FBN1: variants seen among roughly 807,000 people sequenced by gnomAD.
FBN1 encodes the protein fibrillin 1, also known as fibrillin-1.
Under a neutral mutation model 365.1 loss-of-function variants are expected in FBN1, and 29 were observed. The observed-to-expected ratio is 0.08, with a 90% confidence interval of 0.06 to 0.11. The LOEUF is 0.11. Among genes scored for constraint, FBN1 ranks in the 10% least tolerant of loss-of-function variants. The pLI is 1.00. For missense variants in FBN1, 2,476 were observed against 3,703.2 expected (o/e 0.67, Z 8.60); for synonymous variants, 1,210 against 1,270.5 (o/e 0.95, Z 1.01).
At chr15:48,463,384 T>C (rs569756421) in intron 41 of FBN1, 144 bp from the exon 42 acceptor site, 14 of 820,278 alleles carry the variant, frequency 1.7e-5, no homozygotes, top group South Asian at 1.7e-4. Context: ...AAAAACTTGC[T>C]CTTACACAAC....
intron 5 of FBN1, among the ~76,000 whole-genome samples, chr15:48,598,029 C>T (rs991556040): frequency 6.6e-6 from 1 of 152,226 alleles, no homozygotes; most frequent in African/African-American, 2.4e-5. Context: ...GCCATCTCCA[C>T]AGCCATAGCC....
At chr15:48,505,615 C>T (rs1372086375) in intron 15 of FBN1, among the ~76,000 whole-genome samples, 7 of 152,086 alleles carry the variant, frequency 4.6e-5, no homozygotes, top group African/African-American at 1.2e-4. Context: ...TGGGAAAATT[C>T]GCCTAAAATT....
Position 48,497,091 on chromosome 15 carries a change from A to T in FBN1, c.2293+175T>A, listed in dbSNP as rs576963797. Among the ~76,000 whole-genome samples, 27 of 152,338 alleles carry T rather than the reference A, an allele frequency of 1.8e-4. No homozygotes were observed. In the South Asian group the frequency reaches 5.6e-3, roughly 32 times the overall value. ...ACATCGTTATTCATAAACTGTGAAG[A>T]TTCAGTGATGTAAATTTTTGTTACT... On this transcript the variant is annotated intron_variant, in intron 19 of 65. Coordinates refer to ENST00000316623, the MANE Select transcript of FBN1 (RefSeq NM_000138.5).
chr15:48,500,779 G>C (rs1376946767), intron 17 of FBN1, among the ~76,000 whole-genome samples: 2 of 152,114 alleles, frequency 1.3e-5, no homozygotes, highest in African/African-American at 4.8e-5. Context: ...AGAAGGCTGA[G>C]GACACAAGAG....
Position 48,467,930 on chromosome 15 carries a change from C to G in FBN1, c.4747+8G>C, listed in dbSNP as rs368739764. 1.2e-6 allele frequency: 2 copies of G among 1,611,390 alleles called. No homozygotes were observed. The highest frequency in any genetic ancestry group is 3.3e-5 in the Admixed American group (2 of 60,012). On this transcript the variant is annotated splice_region_variant and intron_variant, in intron 38 of 65. Coordinates refer to ENST00000316623, the MANE Select transcript of FBN1 (RefSeq NM_000138.5). ...GAAATAATAATAAATAGGAGGATGT[C>G]CACTTACATGTGTTCACAGCAGGAC...
intron 8 of FBN1, among the ~76,000 whole-genome samples, chr15:48,526,487 C>G (rs569658149): frequency 6.6e-6 from 1 of 152,248 alleles, no homozygotes; most frequent in South Asian, 2.1e-4. Context: ...AATGAAATCA[C>G]CCCCCTTTAA....
At chr15:48,557,974 T>C (rs1375369802) in intron 6 of FBN1, among the ~76,000 whole-genome samples, 1 of 152,202 alleles carries the variant, frequency 6.6e-6, no homozygotes, top group Non-Finnish European at 1.5e-5. Flanking sequence ...AGTTAAAAGT[T>C]AGAGTGGTTC....
chr15:48,463,790 A>C (rs1368716509), intron 41 of FBN1, 109 bp downstream of exon 41: 1 of 1,225,094 alleles, frequency 8.2e-7, no homozygotes, highest in Non-Finnish European at 1.2e-6. Context: ...AAGGGATGCC[A>C]GCACTCAGTC....
In FBN1 at chr15:48,410,148, G is replaced by T. The variant is rs959375379; in HGVS notation, c.*842C>A. Reference sequence around the variant, plus strand: ...CCCCTTGTTGACAGGAATGACCGAGGGTAATCTTGGCATATTGCACATGCT... The same window carrying T: ...CCCCTTGTTGACAGGAATGACCGAGTGTAATCTTGGCATATTGCACATGCT... On this transcript the variant is annotated 3_prime_UTR_variant, in exon 66 of 66. Coordinates refer to ENST00000316623, the MANE Select transcript of FBN1 (RefSeq NM_000138.5). 6.6e-6 allele frequency: 1 copy of T among 152,572 alleles called. No homozygotes were observed. The highest frequency in any genetic ancestry group is 2.4e-5 in the African/African-American group (1 of 41,418). 9.5% of individuals were successfully genotyped at this position (152,572 alleles called of 1,614,324 possible). A position where few individuals can be genotyped will look rare whatever the true frequency, so the allele number is the denominator to read the frequency against.
intron 12 of FBN1, 67 bp from the exon 13 acceptor site, chr15:48,513,735 G>C: frequency 1.9e-6 from 3 of 1,586,256 alleles, no homozygotes; most frequent in Non-Finnish European, 8.6e-7. Flanking sequence ...AGACTTTCTG[G>C]GTTCCTTTTA....
intron 43 of FBN1, among the ~76,000 whole-genome samples, chr15:48,458,668 CA>C (rs2043259787): frequency 6.6e-6 from 1 of 152,108 alleles, no homozygotes; most frequent in African/African-American, 2.4e-5. Flanking sequence ...TATAAAATAG[CA>C]AAAGGATATA....
rs562869881 is a variant in FBN1 at position 48,639,601 on chromosome 15, G to A, written c.164+5005C>T. On this transcript the variant is annotated intron_variant, in intron 2 of 65. Coordinates refer to ENST00000316623, the MANE Select transcript of FBN1 (RefSeq NM_000138.5). ...ACTTTCTGAAACCCCACTTAATGAT[G>A]AGTTAGTGGTAAAATGCTTATAATA... Among the ~76,000 whole-genome samples the A allele has an allele frequency of 9.8e-5, 15 of 152,292 alleles. No individual in the cohort carries two copies. In the South Asian group the frequency reaches 3.1e-3, roughly 32 times the overall value.
At chr15:48,510,961 A>T (rs760755201) in intron 13 of FBN1, among the ~76,000 whole-genome samples, 2 of 152,238 alleles carry the variant, frequency 1.3e-5, no homozygotes, top group Non-Finnish European at 2.9e-5. Flanking sequence ...CTGGATAAAC[A>T]TCAAAGAGGA....
chr15:48,436,153 TTC>T (rs748828719), intron 53 of FBN1, among the ~76,000 whole-genome samples: 3 of 152,176 alleles, frequency 2.0e-5, no homozygotes, highest in African/African-American at 7.2e-5. Flanking sequence ...AGAATATTAT[TTC>T]TGTTTCAAGT....
intron 17 of FBN1, 132 bp from the exon 18 acceptor site, chr15:48,499,170 TC>T (rs772844875): frequency 8.0e-6 from 7 of 874,086 alleles, no homozygotes; most frequent in African/African-American, 1.6e-5. Context: ...AAAGGAGGTA[TC>T]TCCCCAGGGA....
At chr15:48,473,185 G>A (rs1185953330) in intron 34 of FBN1, among the ~76,000 whole-genome samples, 2 of 152,124 alleles carry the variant, frequency 1.3e-5, no homozygotes, top group Non-Finnish European at 2.9e-5. Context: ...TCAAAATGAT[G>A]GGAGGTTTTT....
At chr15:48,574,712 A>C (rs1275225419) in intron 6 of FBN1, among the ~76,000 whole-genome samples, 2 of 152,244 alleles carry the variant, frequency 1.3e-5, no homozygotes. Flanking sequence ...AAGAAATGTT[A>C]ATAAAATGAT....
At chr15:48,579,147 A>G (rs920816704) in intron 6 of FBN1, among the ~76,000 whole-genome samples, 1 of 152,098 alleles carries the variant, frequency 6.6e-6, no homozygotes, top group Non-Finnish European at 1.5e-5. Context: ...GGGCAAATGC[A>G]ATTTGAGGCA....
intron 22 of FBN1, 47 bp from the exon 23 acceptor site, chr15:48,494,301 C>T: frequency 1.4e-6 from 2 of 1,447,924 alleles, no homozygotes; most frequent in Non-Finnish European, 1.9e-6. Context: ...TTTGAGATAA[C>T]AATATCCAGA....
Sources: gnomAD v4.1 joint callset for allele counts (sites outside exome capture counted in the v4.1 genomes callset) on GRCh38, gnomAD v4.1.1 for gene constraint, MANE v1.5 for transcripts, NCBI Gene and HGNC (gene_info 2026-07-23, HGNC 2026-07-21) for gene names.